Variants in RBFOX1 observed in about 807,000 individuals in gnomAD.
RBFOX1 encodes RNA binding fox-1 homolog 1.
RBFOX1 carries 8 observed loss-of-function variants against 57.7 expected under a neutral mutation model. That is an observed-to-expected ratio of 0.14 (90% CI 0.08 to 0.25). The LOEUF (loss-of-function observed/expected upper bound fraction) is 0.25. RBFOX1 is among the 10% of genes least tolerant of loss of function. RBFOX1 has a pLI of 1.00. For missense variants in RBFOX1, 611 were observed against 548.5 expected (o/e 1.11, Z -1.14); for synonymous variants, 326 against 222.4 (o/e 1.47, Z -4.15).
chr16:6,762,443 G>C (rs2076740727), intron 3 of RBFOX1, among the ~76,000 whole-genome samples: 1 of 151,980 alleles, frequency 6.6e-6, no homozygotes, highest in Admixed American at 6.6e-5. Context: ...TGAAATTATG[G>C]ATTACCTACC....
At chr16:6,621,545 C>G (rs892949098) in intron 2 of RBFOX1, among the ~76,000 whole-genome samples, 6 of 152,170 alleles carry the variant, frequency 3.9e-5, no homozygotes, top group African/African-American at 1.2e-4. Flanking sequence ...TCTCAAGAGG[C>G]TTAATTACAT....
chr16:7,032,953 G>C (rs2043191173), intron 3 of RBFOX1, among the ~76,000 whole-genome samples: 1 of 152,128 alleles, frequency 6.6e-6, no homozygotes, highest in South Asian at 2.1e-4. Flanking sequence ...GCTTCAATTT[G>C]GGAGACAGTG....
At chr16:6,979,580 C>T (rs1343434487) in intron 3 of RBFOX1, among the ~76,000 whole-genome samples, 1 of 152,162 alleles carries the variant, frequency 6.6e-6, no homozygotes, top group Non-Finnish European at 1.5e-5. Flanking sequence ...AGCAGGATTG[C>T]AGCACAGTAC....
At chr16:7,548,470 C>G (rs896129401) in intron 5 of RBFOX1, among the ~76,000 whole-genome samples, 4 of 152,160 alleles carry the variant, frequency 2.6e-5, no homozygotes, top group Admixed American at 2.6e-4. Context: ...ATTAGTTGTT[C>G]TTTAAACATT....
chr16:5,426,372 T>C (rs2067559111), intron 1 of RBFOX1, among the ~76,000 whole-genome samples: 1 of 152,178 alleles, frequency 6.6e-6, no homozygotes, highest in Non-Finnish European at 1.5e-5. Context: ...AATGAATAAA[T>C]AATTTAAAAG....
At chr16:6,781,755 T>C (rs1325629366) in intron 3 of RBFOX1, among the ~76,000 whole-genome samples, 1 of 152,168 alleles carries the variant, frequency 6.6e-6, no homozygotes, top group Non-Finnish European at 1.5e-5. Flanking sequence ...ATTTCTGTGG[T>C]ATCTGTTTTA....
chr16:6,220,888 A>T (rs1357258698), intron 1 of RBFOX1, among the ~76,000 whole-genome samples: 1 of 152,116 alleles, frequency 6.6e-6, no homozygotes, highest in Non-Finnish European at 1.5e-5. Context: ...GTCCTATATG[A>T]ACCAAGTAAT....
chr16:5,711,612 G>T (rs181599693), intron 3 of RBFOX1, among the ~76,000 whole-genome samples: 1 of 152,194 alleles, frequency 6.6e-6, no homozygotes, highest in Non-Finnish European at 1.5e-5. Flanking sequence ...GATGTCCTGG[G>T]CAGCTTTGGG....
intron 1 of RBFOX1, among the ~76,000 whole-genome samples, chr16:6,185,557 G>A (rs1167097148): frequency 6.6e-6 from 1 of 152,136 alleles, no homozygotes; most frequent in Non-Finnish European, 1.5e-5. Flanking sequence ...CGATGAAATC[G>A]TGTTTGCAAA....
intron 4 of RBFOX1, among the ~76,000 whole-genome samples, chr16:7,285,181 T>G (rs904460720): frequency 6.6e-6 from 1 of 150,572 alleles, no homozygotes; most frequent in Admixed American, 6.7e-5. Flanking sequence ...TGATTTTTAA[T>G]TGGAATTTTT....
At chr16:6,882,672 A>C (rs2063192589) in intron 3 of RBFOX1, among the ~76,000 whole-genome samples, 1 of 152,114 alleles carries the variant, frequency 6.6e-6, no homozygotes, top group Non-Finnish European at 1.5e-5. Flanking sequence ...GCAGGTACCC[A>C]TTGGCTGTAT....
At chr16:7,205,468 A>T (rs563859894) in intron 4 of RBFOX1, among the ~76,000 whole-genome samples, 1 of 151,312 alleles carries the variant, frequency 6.6e-6, no homozygotes, top group African/African-American at 2.4e-5. Flanking sequence ...AAGTGAGATC[A>T]TGCCATTGCA....
intron 2 of RBFOX1, among the ~76,000 whole-genome samples, chr16:6,486,835 G>A (rs2095494118): frequency 6.6e-6 from 1 of 151,964 alleles, no homozygotes; most frequent in South Asian, 2.1e-4. Context: ...GTCAACAGGA[G>A]CAAATGAGAA....
intron 3 of RBFOX1, among the ~76,000 whole-genome samples, chr16:6,727,047 C>A (rs937663627): frequency 2.9e-3 from 38 of 12,940 alleles, no homozygotes; most frequent in Non-Finnish European, 0.016. Context: ...GGTATTTGGA[C>A]TGAACACACA....
Position 7,567,303 on chromosome 16 carries a change from C to CTA in RBFOX1, c.271-12456_271-12455dup, listed in dbSNP as rs199970979. Among the ~76,000 whole-genome samples the CTA allele has an allele frequency of 5.3e-3, 597 of 111,800 alleles. 33 individuals carry two copies. Among genetic ancestry groups the CTA allele is most frequent in the Middle Eastern group, 0.027 (3 of 112 alleles). 73.3% of individuals were successfully genotyped at this position (111,800 alleles called of 152,430 possible). ...TCCCTATATATCCTTATATATGGCC[C>CTA]TATATATATATATATATATCTCCCT... On this transcript the variant is annotated intron_variant, in intron 5 of 15. Coordinates refer to ENST00000550418, the MANE Select transcript of RBFOX1 (RefSeq NM_018723.4).
At chr16:7,195,112 C>A (rs1274643457) in intron 4 of RBFOX1, among the ~76,000 whole-genome samples, 1 of 152,070 alleles carries the variant, frequency 6.6e-6, no homozygotes, top group African/African-American at 2.4e-5. Context: ...CTATCAACAC[C>A]CTTAAGTCTG....
chr16:6,915,005 A>G (rs1418418476), intron 3 of RBFOX1, among the ~76,000 whole-genome samples: 1 of 152,238 alleles, frequency 6.6e-6, no homozygotes, highest in Non-Finnish European at 1.5e-5. Context: ...GGCAGCAAGC[A>G]GGCCCAGGGT....
chr16:7,266,252 G>C (rs1453672183), intron 4 of RBFOX1, among the ~76,000 whole-genome samples: 2 of 152,060 alleles, frequency 1.3e-5, no homozygotes, highest in Non-Finnish European at 2.9e-5. Flanking sequence ...TGGGATTACA[G>C]GTGTGAGCCA....
intron 3 of RBFOX1, among the ~76,000 whole-genome samples, chr16:5,650,370 C>G (rs1008117324): frequency 6.6e-6 from 1 of 151,288 alleles, no homozygotes; most frequent in Admixed American, 6.6e-5. Flanking sequence ...GGGAGGGAGC[C>G]CCGTCGAGGG....
Sources: allele counts gnomAD v4.1 joint callset (sites outside exome capture counted in the v4.1 genomes callset), GRCh38; gene constraint gnomAD v4.1.1; transcripts MANE v1.5; gene names NCBI Gene and HGNC (gene_info 2026-07-23, HGNC 2026-07-21).